The following NAV2 variants were observed in gnomAD, a reference collection of about 807,000 sequenced individuals.
The protein encoded by NAV2 is helicase, APC down-regulated 1.
In NAV2, 54 loss-of-function variants were observed where a neutral mutation model predicts 223.2. The observed-to-expected ratio is 0.24, with a 90% CI of 0.19 to 0.30. NAV2 has a LOEUF of 0.30. NAV2 is among the 10% of genes least tolerant of loss of function. The pLI is 1.00. For synonymous variants in NAV2, 1,279 were observed against 1,239.3 expected (o/e 1.03, Z -0.67); for missense variants, 2,806 against 3,147.5 (o/e 0.89, Z 2.60).
chr11:20,101,200 A>AT lies in NAV2; in HGVS notation c.6417+34dup, dbSNP rs1275320585. On this transcript the variant is annotated intron_variant, in intron 32 of 37. Transcript: ENST00000349880. ...GAGGAGGTCATTCTGAGTCTGCTGT[A>AT]TTTTTTGGCCCTTTCAAAACTGATG... is the stretch of plus-strand genomic sequence containing the variant. 2.5e-6 allele frequency: 4 copies of AT among 1,577,600 alleles called. No individual in the cohort carries two copies. In the South Asian group the frequency reaches 4.5e-5, roughly 18 times the overall value.
At chr11:19,559,727 G>A (rs1017582884) in intron 1 of NAV2, among the ~76,000 whole-genome samples, 1 of 152,194 alleles carries the variant, frequency 6.6e-6, no homozygotes, top group Non-Finnish European at 1.5e-5. Context: ...CATCTGTGCA[G>A]TAAGGAAACT....
At chr11:19,517,055 A>AAG in intron 1 of NAV2, among the ~76,000 whole-genome samples, 1 of 152,068 alleles carries the variant, frequency 6.6e-6, no homozygotes, top group East Asian at 1.9e-4. Flanking sequence ...CCAAAAAAAA[A>AAG]AAATAATAAT....
At chr11:19,811,046 G>A (rs2058811080) in intron 1 of NAV2, among the ~76,000 whole-genome samples, 1 of 152,184 alleles carries the variant, frequency 6.6e-6, no homozygotes, top group Admixed American at 6.5e-5. Flanking sequence ...TTGAATGAAT[G>A]GGTGGAATGA....
At chr11:20,091,388 C>G (rs2060840512) in intron 27 of NAV2, among the ~76,000 whole-genome samples, 1 of 152,128 alleles carries the variant, frequency 6.6e-6, no homozygotes, top group Admixed American at 6.5e-5. Context: ...GCTGACTGCC[C>G]CCTTTGCATC....
intron 1 of NAV2, among the ~76,000 whole-genome samples, chr11:19,425,548 A>G (rs938137717): frequency 2.0e-5 from 3 of 152,228 alleles, no homozygotes; most frequent in Non-Finnish European, 4.4e-5. Context: ...CAGTGGTTAC[A>G]GTCTGGACTA....
intron 22 of NAV2, among the ~76,000 whole-genome samples, chr11:20,073,051 A>G (rs1439760495): frequency 6.6e-6 from 1 of 152,150 alleles, no homozygotes; most frequent in African/African-American, 2.4e-5. Flanking sequence ...TTGCCCATTC[A>G]GTATGATATT....
At chr11:20,093,552 G>A (rs1012312541) in intron 29 of NAV2, among the ~76,000 whole-genome samples, 3 of 152,120 alleles carry the variant, frequency 2.0e-5, no homozygotes, top group Non-Finnish European at 4.4e-5. Context: ...CAGCATGTAA[G>A]GTACAGAAAT....
chr11:19,439,000 A>G (rs1851307621), intron 1 of NAV2, among the ~76,000 whole-genome samples: 1 of 151,648 alleles, frequency 6.6e-6, no homozygotes, highest in Non-Finnish European at 1.5e-5. Flanking sequence ...GGAATTGGGG[A>G]GTGGAGAGGG....
At chr11:19,839,961 C>T (rs2060423160) in intron 2 of NAV2, among the ~76,000 whole-genome samples, 2 of 152,156 alleles carry the variant, frequency 1.3e-5, no homozygotes. Context: ...CCAAAGACCC[C>T]CTGCCCTGAG....
chr11:19,710,162 C>T (rs1176747428), upstream of NAV2, among the ~76,000 whole-genome samples: 4 of 152,150 alleles, frequency 2.6e-5, no homozygotes, highest in East Asian at 7.7e-4. Flanking sequence ...CATTTATATA[C>T]CCATAGCAGA....
intron 1 of NAV2, among the ~76,000 whole-genome samples, chr11:19,485,931 G>T (rs10833122): frequency 6.6e-6 from 1 of 151,912 alleles, no homozygotes; most frequent in African/African-American, 2.4e-5. Context: ...CCTGATTGCA[G>T]GGCAGGAGAA....
chr11:19,477,613 A>G (rs779058537), intron 1 of NAV2, among the ~76,000 whole-genome samples: 98 of 152,318 alleles, frequency 6.4e-4, no homozygotes, highest in Admixed American at 4.1e-3. Flanking sequence ...GGAAATTTAC[A>G]ACCTTCATGA....
intron 1 of NAV2, among the ~76,000 whole-genome samples, chr11:19,618,354 CTGGA>C (rs371135207): frequency 1.4e-3 from 147 of 106,172 alleles, no homozygotes; most frequent in African/African-American, 4.2e-3. Context: ...TGATGGATTG[CTGGA>C]TGGATGGATG....
At chr11:19,795,185 G>T (rs1333512733) in intron 1 of NAV2, among the ~76,000 whole-genome samples, 2 of 152,164 alleles carry the variant, frequency 1.3e-5, no homozygotes, top group Non-Finnish European at 2.9e-5. Flanking sequence ...AGAGAAATGG[G>T]ACAGAAGTTA....
rs143997070 is a variant in NAV2 at position 19,929,374 on chromosome 11, C to A, written c.932-3802C>A. Among the ~76,000 whole-genome samples the A allele has an allele frequency of 1.4e-4, 21 of 152,298 alleles. 1 individual carries two copies. Among genetic ancestry groups the A allele is most frequent in the Non-Finnish European group, 2.8e-4 (19 of 68,030 alleles). On this transcript the variant is annotated intron_variant, in intron 6 of 37. Transcript: ENST00000349880. ...TAGAAATGTATCAAGTTACTTTGTACAAGACCACTCATGACTTGACATACC... is the reference window on the plus strand; with the variant it reads ...TAGAAATGTATCAAGTTACTTTGTAAAAGACCACTCATGACTTGACATACC...
At chr11:19,694,389 GC>G (rs1294125188) in intron 1 of NAV2, among the ~76,000 whole-genome samples, 2 of 152,222 alleles carry the variant, frequency 1.3e-5, no homozygotes, top group Non-Finnish European at 2.9e-5. Context: ...AGGCCTCCGA[GC>G]AAGCTCACAG....
At chr11:19,982,849 G>A (rs953850032) in intron 10 of NAV2, among the ~76,000 whole-genome samples, 1 of 152,128 alleles carries the variant, frequency 6.6e-6, no homozygotes, top group Non-Finnish European at 1.5e-5. Flanking sequence ...AAGGTCCCCA[G>A]CTACAGGTAG....
intron 19 of NAV2, among the ~76,000 whole-genome samples, chr11:20,060,295 A>T (rs1021128630): frequency 6.6e-6 from 1 of 152,268 alleles, no homozygotes; most frequent in Non-Finnish European, 1.5e-5. Context: ...CTCTTCACCC[A>T]GCTTGGCCTC....
intron 1 of NAV2, among the ~76,000 whole-genome samples, chr11:19,652,298 G>A (rs1175354441): frequency 1.3e-5 from 2 of 152,152 alleles, no homozygotes; most frequent in Non-Finnish European, 2.9e-5. Context: ...TCTGAAGCCA[G>A]CAGAGCTGAC....
Sources: allele counts gnomAD v4.1 joint callset (sites outside exome capture counted in the v4.1 genomes callset), GRCh38; gene constraint gnomAD v4.1.1; transcripts MANE v1.5; gene names NCBI Gene and HGNC (gene_info 2026-07-23, HGNC 2026-07-21).